Variants in ADAMTS13 observed in about 807,000 individuals in gnomAD.
The protein encoded by ADAMTS13 is ADAM metallopeptidase with thrombospondin type 1 motif 13.
Under a neutral mutation model 155.1 loss-of-function variants are expected in ADAMTS13, and 110 were observed. That is an observed-to-expected ratio of 0.71 (90% CI 0.61 to 0.83). The LOEUF (loss-of-function observed/expected upper bound fraction) is 0.83, where lower values mean the gene tolerates loss of function less well. Among genes scored for constraint, ADAMTS13 ranks in the 40% least tolerant of loss-of-function variants. The pLI is 0.00. For missense variants in ADAMTS13, 1,707 were observed against 1,891.7 expected (o/e 0.90, Z 1.81); for synonymous variants, 758 against 756.4 (o/e 1.00, Z -0.03).
In ADAMTS13 at chr9:133,445,345, G is replaced by A. The variant is rs1023911482; in HGVS notation, c.2610+293G>A. Among the ~76,000 whole-genome samples, 7 of 152,186 alleles carry A rather than the reference G, an allele frequency of 4.6e-5. No homozygotes were observed. Among genetic ancestry groups the A allele is most frequent in the African/African-American group, 4.8e-5 (2 of 41,442 alleles). Reference sequence around the variant, plus strand: ...CCAGGCTCCCGCCTGGCGTCCAGGGGCTGGAGGCTGACTGGCCTTGCTCTC... The same window carrying A: ...CCAGGCTCCCGCCTGGCGTCCAGGGACTGGAGGCTGACTGGCCTTGCTCTC... On this transcript the variant is annotated intron_variant, in intron 20 of 28. Coordinates refer to ENST00000355699, the MANE Select transcript of ADAMTS13 (RefSeq NM_139027.6). This position sits in a 1 kb window ranked among gnomAD's most constrained non-coding sequence, Gnocchi z 5.0.
intron 1 of ADAMTS13, chr9:133,415,691 GCTGA>G (rs930347742): frequency 3.9e-5 from 6 of 152,210 alleles, no homozygotes; most frequent in African/African-American, 1.4e-4. Flanking sequence ...GAACTGAAGG[GCTGA>G]CTTTCTTGGA....
Position 133,456,485 on chromosome 9 carries a change from A to G in ADAMTS13, c.3548-58A>G, listed in dbSNP as rs1554796026. ...ACTCGGCTCAGTCTACCCTGGAGCCACTCCTCTGCTGACCAGGCGTGGGAG... is the reference window on the plus strand; with the variant it reads ...ACTCGGCTCAGTCTACCCTGGAGCCGCTCCTCTGCTGACCAGGCGTGGGAG... On this transcript the variant is annotated intron_variant, in intron 26 of 28. Coordinates refer to ENST00000355699, the MANE Select transcript of ADAMTS13 (RefSeq NM_139027.6). This position sits in a 1 kb window ranked among gnomAD's most constrained non-coding sequence, Gnocchi z 4.4. The G allele has an allele frequency of 6.3e-7, 1 of 1,592,424 alleles. No homozygotes were observed. Among genetic ancestry groups the G allele is most frequent in the Non-Finnish European group, 8.6e-7 (1 of 1,168,956 alleles).
intron 8 of ADAMTS13, 153 bp downstream of exon 8, chr9:133,430,254 C>G (rs1319418346): frequency 1.0e-6 from 1 of 963,096 alleles, no homozygotes; most frequent in Non-Finnish European, 1.6e-6. Flanking sequence ...CTGTCTGTGC[C>G]CTCTAGAAAT....
upstream of ADAMTS13, among the ~76,000 whole-genome samples, chr9:133,417,262 C>G (rs1554781832): frequency 6.6e-6 from 1 of 152,240 alleles, no homozygotes; most frequent in East Asian, 1.9e-4. Flanking sequence ...GGGGATCTGC[C>G]CGCCTCGGCC....
chr9:133,418,027 T>C (rs1839786129), upstream of ADAMTS13: 1 of 604,828 alleles, frequency 1.7e-6, no homozygotes. Context: ...GCACGCACGC[T>C]CCAGTCCCCG....
In ADAMTS13 at chr9:133,445,931, C is replaced by G. The variant is rs1183439326; in HGVS notation, c.2731+112C>G. The stretch of plus-strand genomic sequence containing the variant: ...TGAGGTGGATTGCAGAAAATCCAGA[C>G]TATATGGGAACACGTGGTAATACAC... On this transcript the variant is annotated intron_variant, in intron 21 of 28. Transcript: ENST00000355699. This position sits in a 1 kb window ranked among gnomAD's most constrained non-coding sequence, Gnocchi z 5.0. 4 of 1,421,900 alleles carry G rather than the reference C, an allele frequency of 2.8e-6. No homozygotes were observed. The highest frequency in any genetic ancestry group is 3.7e-6 in the Non-Finnish European group (4 of 1,069,094). The allele number at this position is 1,421,900 out of a possible 1,614,324, so 88.1% of individuals were successfully genotyped here. A position where few individuals can be genotyped will look rare whatever the true frequency, so the allele number is the denominator to read the frequency against.
chr9:133,455,086 A>G (rs1390818510), intron 24 of ADAMTS13, among the ~76,000 whole-genome samples, 199 bp from the exon 25 acceptor site: 1 of 152,130 alleles, frequency 6.6e-6, no homozygotes, highest in East Asian at 1.9e-4. Flanking sequence ...CCAGACTTGA[A>G]TTATGGCTCC....
At position 133,440,656 on chromosome 9, in the gene ADAMTS13, A is replaced by C; in HGVS notation, c.1968+131A>C. 8.6e-7 allele frequency: 1 copy of C among 1,161,894 alleles called. No individual in the cohort carries two copies. Among genetic ancestry groups the C allele is most frequent in the Non-Finnish European group, 1.2e-6 (1 of 843,394 alleles). The allele number at this position is 1,161,894 out of a possible 1,614,324, so 72.0% of individuals were successfully genotyped here. On this transcript the variant is annotated intron_variant, in intron 16 of 28. Transcript: ENST00000355699. This position sits in a 1 kb window ranked among gnomAD's most constrained non-coding sequence, Gnocchi z 4.3. ...TTCAGCGGTCACTTACAGGGGACCC[A>C]CTATGTGTTGGGCCCTGTGCTAGGC...
At chr9:133,422,933 TC>T (rs1554783928) in intron 1 of ADAMTS13, among the ~76,000 whole-genome samples, 167 bp from the exon 2 acceptor site, 36 of 128,566 alleles carry the variant, frequency 2.8e-4, no homozygotes, top group African/African-American at 9.6e-4. Flanking sequence ...TCTCTCTCTC[TC>T]TTTTTTTTTT....
In ADAMTS13 at chr9:133,442,726, C is replaced by G. The variant is rs144178018; in HGVS notation, c.2217C>G (p.Leu739=). 1.2e-6 allele frequency: 2 copies of G among 1,612,712 alleles called. No individual in the cohort carries two copies. Among genetic ancestry groups the G allele is most frequent in the South Asian group, 1.1e-5 (1 of 91,082 alleles). The change falls in exon 18 of 29, where the codon CTC becomes CTG. Residue 739 remains leucine, a synonymous_variant. Transcript: ENST00000355699. ...CAGCGTGGCCAGAGGCCTGCGTGCT[C>G]GAACCCTGCCCTCCCTAGTGAGTGT... ...QPPAWPEACV[L]EPCPPYWAVG... is the part of the protein sequence containing the mutation.
At chr9:133,422,104 G>A, upstream of ADAMTS13, 2 of 346,934 alleles carry the variant, frequency 5.8e-6, no homozygotes, top group African/African-American at 2.1e-5. Context: ...CCCCGTCTGT[G>A]GGTTTCTGGT....
chr9:133,433,787 C>T, intron 11 of ADAMTS13, 83 bp downstream of exon 11: 1 of 1,514,270 alleles, frequency 6.6e-7, no homozygotes, highest in Non-Finnish European at 9.1e-7. Flanking sequence ...GTGGTTCACA[C>T]CAGGACACAT....
At chr9:133,416,756 T>C (rs1839639312) in intron 1 of ADAMTS13, among the ~76,000 whole-genome samples, 1 of 152,238 alleles carries the variant, frequency 6.6e-6, no homozygotes, top group African/African-American at 2.4e-5. Context: ...TTAGATGATC[T>C]ATTTAAACTT....
Position 133,456,518 on chromosome 9 carries a change from C to T in ADAMTS13, c.3548-25C>T, listed in dbSNP as rs922537728. The T allele has an allele frequency of 6.2e-7, 1 of 1,610,756 alleles. No homozygotes were observed. The highest frequency in any genetic ancestry group is 8.5e-7 in the Non-Finnish European group (1 of 1,179,218). The stretch of plus-strand genomic sequence containing the variant: ...GCTGACCAGGCGTGGGAGTGCTGGA[C>T]CCTCACTGCCCTGCCGCTTCCTAGG... On this transcript the variant is annotated intron_variant, in intron 26 of 28. Coordinates refer to ENST00000355699, the MANE Select transcript of ADAMTS13 (RefSeq NM_139027.6). The surrounding 1 kb of genome is among the most constrained non-coding windows in gnomAD (Gnocchi z 4.4).
chr9:133,422,677 C>A, intron 1 of ADAMTS13, 129 bp downstream of exon 1: 1 of 893,584 alleles, frequency 1.1e-6, no homozygotes, highest in South Asian at 1.5e-5. Flanking sequence ...GCAGGGGAGT[C>A]TGTACTTGGG....
At chr9:133,414,567 T>G in exon 1 of ADAMTS13, 1 of 1,020,502 alleles carries the variant, frequency 9.8e-7, no homozygotes, top group South Asian at 1.3e-5. Flanking sequence ...GGTAAAGTGA[T>G]GGAGAGACTG....
Position 133,457,358 on chromosome 9 carries a change from G to A in ADAMTS13, c.3725-552G>A, listed in dbSNP as rs587745039. On this transcript the variant is annotated intron_variant, in intron 27 of 28. Coordinates refer to ENST00000355699, the MANE Select transcript of ADAMTS13 (RefSeq NM_139027.6). Reference sequence around the variant, plus strand: ...CTTAGCCTCTGCAGAGACCTAGTGCGCCGCCTCCTTGCCCCAGACCTGCCC... The same window carrying A: ...CTTAGCCTCTGCAGAGACCTAGTGCACCGCCTCCTTGCCCCAGACCTGCCC... Among the ~76,000 whole-genome samples, 29 of 152,312 alleles carry A rather than the reference G, an allele frequency of 1.9e-4. No homozygotes were observed. The South Asian group carries it at 6.0e-3, about 32-fold the overall frequency.
At chr9:133,428,370 T>G (rs964557473) in intron 6 of ADAMTS13, among the ~76,000 whole-genome samples, 5 of 152,158 alleles carry the variant, frequency 3.3e-5, no homozygotes, top group Non-Finnish European at 5.9e-5. Flanking sequence ...TTTAAAGGCT[T>G]TTGATATTTA....
Position 133,437,905 on chromosome 9 carries a change from T to C in ADAMTS13, c.1584+8T>C, listed in dbSNP as rs782425951. 6.2e-7 allele frequency: 1 copy of C among 1,613,054 alleles called. No individual in the cohort carries two copies. The highest frequency in any genetic ancestry group is 1.3e-5 in the African/African-American group (1 of 74,860). On this transcript the variant is annotated splice_region_variant and intron_variant, in intron 13 of 28. Transcript: ENST00000355699. ...GTGTCGGGCAGCTGCAGGGTAGGCG[T>C]GTGTGGACATTGGCGATGGCCCTGG...
Sources: gnomAD v4.1 joint callset for allele counts (sites outside exome capture counted in the v4.1 genomes callset) on GRCh38, gnomAD v4.1.1 for gene constraint, Gnocchi (gnomAD v3.1) non-coding constraint, MANE v1.5 for transcripts, NCBI Gene and HGNC (gene_info 2026-07-23, HGNC 2026-07-21) for gene names.